TSPEAR: variants seen among roughly 807,000 people sequenced by gnomAD.
The protein encoded by TSPEAR is thrombospondin type laminin G domain and EAR repeats, also known as thrombospondin-type laminin G domain and EAR repeat-containing protein.
TSPEAR carries 69 observed loss-of-function variants against 71.6 expected under a neutral mutation model. The ratio of observed to expected loss-of-function variants is 0.96; its 90% CI spans 0.79 to 1.18. The LOEUF (loss-of-function observed/expected upper bound fraction) is 1.18, where lower values mean the gene tolerates loss of function less well. Ranked by LOEUF, TSPEAR falls within the 50% of genes most tolerant of loss-of-function variation. The pLI is 0.00. For synonymous variants in TSPEAR, 402 were observed against 387.2 expected (o/e 1.04, Z -0.45); for missense variants, 971 against 894.9 (o/e 1.09, Z -1.09).
chr21:44,525,586 C>T lies in TSPEAR; in HGVS notation c.1336+67G>A, dbSNP rs2052838462. Reference sequence around the variant, plus strand: ...TTTTCTAATAAGATACACATTCGCCCTGCCTGCAAGTCTCGCTCTGCCCCT... The same window carrying T: ...TTTTCTAATAAGATACACATTCGCCTTGCCTGCAAGTCTCGCTCTGCCCCT... On this transcript the variant is annotated intron_variant, in intron 8 of 11. Coordinates refer to ENST00000323084, the MANE Select transcript of TSPEAR (RefSeq NM_144991.3). 4 of 1,513,112 alleles carry T rather than the reference C, an allele frequency of 2.6e-6. No individual in the cohort carries two copies. In the South Asian group the frequency reaches 3.4e-5, roughly 13 times the overall value. 93.7% of individuals were successfully genotyped at this position (1,513,112 alleles called of 1,614,324 possible). A position where few individuals can be genotyped will look rare whatever the true frequency, so the allele number is the denominator to read the frequency against.
chr21:44,512,388 G>GT (rs1473021767), intron 9 of TSPEAR, among the ~76,000 whole-genome samples: 2 of 151,806 alleles, frequency 1.3e-5, no homozygotes, highest in Admixed American at 1.3e-4. Context: ...AAGGGTGGTG[G>GT]TCTTGGAGAC....
chr21:44,591,299 G>T lies in TSPEAR; in HGVS notation c.83-23294C>A, dbSNP rs1569205417. Reference sequence around the variant, plus strand: ...AAAGAGCCTGCCCCATCTTCTGAGGGTGTCAAAGCCAGAGAGGGCAGAGCT... The same window carrying T: ...AAAGAGCCTGCCCCATCTTCTGAGGTTGTCAAAGCCAGAGAGGGCAGAGCT... On this transcript the variant is annotated intron_variant, in intron 1 of 11. Coordinates refer to ENST00000323084, the MANE Select transcript of TSPEAR (RefSeq NM_144991.3). The T allele has an allele frequency of 5.4e-6, 8 of 1,494,518 alleles. No homozygotes were observed. In the Admixed American group the frequency reaches 6.7e-5, roughly 12 times the overall value. The allele number at this position is 1,494,518 out of a possible 1,614,324, so 92.6% of individuals were successfully genotyped here. A position where few individuals can be genotyped will look rare whatever the true frequency, so the allele number is the denominator to read the frequency against.
intron 2 of TSPEAR, among the ~76,000 whole-genome samples, chr21:44,561,317 T>C (rs918899832): frequency 1.3e-5 from 2 of 152,068 alleles, no homozygotes; most frequent in African/African-American, 2.4e-5. Flanking sequence ...TTATAGCAAG[T>C]TCTGAAATTG....
chr21:44,711,378 C>G lies in TSPEAR; in HGVS notation c.82+55G>C, dbSNP rs1214888496. ...AAAGTGGCATTTGTGACTCGACACCCCTCCCAGCTCCCCGGCAAGATACCC... is the reference window on the plus strand; with the variant it reads ...AAAGTGGCATTTGTGACTCGACACCGCTCCCAGCTCCCCGGCAAGATACCC... On this transcript the variant is annotated intron_variant, in intron 1 of 11. Coordinates refer to ENST00000323084, the MANE Select transcript of TSPEAR (RefSeq NM_144991.3). The surrounding 1 kb of genome is among the most constrained non-coding windows in gnomAD (Gnocchi z 4.5). The G allele has an allele frequency of 6.7e-7, 1 of 1,493,558 alleles. No individual in the cohort carries two copies. The highest frequency in any genetic ancestry group is 2.4e-5 in the East Asian group (1 of 40,924). 92.5% of individuals were successfully genotyped at this position (1,493,558 alleles called of 1,614,324 possible). A position where few individuals can be genotyped will look rare whatever the true frequency, so the allele number is the denominator to read the frequency against.
At chr21:44,697,298 C>G (rs1555950749) in intron 1 of TSPEAR, 5 of 1,613,616 alleles carry the variant, frequency 3.1e-6, no homozygotes, top group Admixed American at 1.7e-5. Flanking sequence ...GGACGACTGC[C>G]CAGAGAGCTG....
At chr21:44,653,391 C>T (rs1984930408) in intron 1 of TSPEAR, among the ~76,000 whole-genome samples, 1 of 152,116 alleles carries the variant, frequency 6.6e-6, no homozygotes, top group Non-Finnish European at 1.5e-5. Context: ...GAGCCTCTGA[C>T]AGGGCTGCCC....
At chr21:44,587,108 T>C (rs1176084029) in intron 1 of TSPEAR, among the ~76,000 whole-genome samples, 1 of 152,220 alleles carries the variant, frequency 6.6e-6, no homozygotes, top group Non-Finnish European at 1.5e-5. Context: ...TGTCGCTGTT[T>C]GCTGATGATA....
In TSPEAR at chr21:44,517,614, C is replaced by T. The variant is rs1194723543; in HGVS notation, c.1566+4269G>A. ...TCAGGTCAGCCCCTTCCTGCTGCTT[C>T]CCACCGTGTGTGCTCCTTGTCTGAC... On this transcript the variant is annotated intron_variant, in intron 9 of 11. Transcript: ENST00000323084. 7.9e-6 allele frequency: 3 copies of T among 378,578 alleles called. No homozygotes were observed. In the East Asian group the frequency reaches 2.2e-4, roughly 28 times the overall value. 23.5% of individuals were successfully genotyped at this position (378,578 alleles called of 1,614,324 possible).
At chr21:44,638,204 C>T (rs781965748) in intron 1 of TSPEAR, 6 of 1,578,260 alleles carry the variant, frequency 3.8e-6, no homozygotes, top group Non-Finnish European at 3.5e-6. Context: ...AGTCCCTTCC[C>T]ACCAGGGGCT....
At position 44,521,970 on chromosome 21, in the gene TSPEAR, G is replaced by A; in HGVS notation, c.1479C>T (p.Ala493=). Residue 493 remains alanine (A), a synonymous_variant, in exon 9 of 12, where the codon GCC becomes GCT. Coordinates refer to ENST00000323084, the MANE Select transcript of TSPEAR (RefSeq NM_144991.3). ...TGGTGGAGGTGCCGTTGAAGGTGTT[G>A]GCCACCACCAGGAACGAGTAGGGCC... The part of the protein sequence containing the change: ...SVGPYSFLVV[A]NTFNGTSTKV... 6.2e-7 allele frequency: 1 copy of A among 1,614,148 alleles called. No individual in the cohort carries two copies. Among genetic ancestry groups the A allele is most frequent in the Non-Finnish European group, 8.5e-7 (1 of 1,180,006 alleles).
chr21:44,561,444 A>C lies in TSPEAR; in HGVS notation c.303+6341T>G, dbSNP rs145993435. ...ACCATTCCTTCTGAAACTATTCCAAACAACTGAAAAGGAGGGACTCCTCCC... is the reference window on the plus strand; with the variant it reads ...ACCATTCCTTCTGAAACTATTCCAACCAACTGAAAAGGAGGGACTCCTCCC... On this transcript the variant is annotated intron_variant, in intron 2 of 11. Coordinates refer to ENST00000323084, the MANE Select transcript of TSPEAR (RefSeq NM_144991.3). Among the ~76,000 whole-genome samples, 1,085 of 152,318 alleles carry C rather than the reference A, an allele frequency of 7.1e-3. 10 individuals carry two copies. The highest frequency in any genetic ancestry group is 0.025 in the African/African-American group (1,034 of 41,548).
At chr21:44,600,359 G>T (rs1179043794) in intron 1 of TSPEAR, among the ~76,000 whole-genome samples, 5 of 152,108 alleles carry the variant, frequency 3.3e-5, no homozygotes, top group African/African-American at 7.3e-5. Context: ...AGGTGAGGGT[G>T]CGTCAACGGA....
intron 1 of TSPEAR, among the ~76,000 whole-genome samples, chr21:44,638,995 G>A (rs188064051): frequency 3.8e-4 from 58 of 152,142 alleles, no homozygotes; most frequent in African/African-American, 1.3e-3. Flanking sequence ...CAGGACTCGA[G>A]CCCAGCAGCC....
chr21:44,674,015 G>T (rs1456579748), intron 1 of TSPEAR, among the ~76,000 whole-genome samples: 1 of 151,942 alleles, frequency 6.6e-6, no homozygotes, highest in African/African-American at 2.4e-5. Context: ...AAAGGTAGAT[G>T]TGGTGGTGCC....
At chr21:44,561,329 G>A (rs1316177776) in intron 2 of TSPEAR, among the ~76,000 whole-genome samples, 1 of 152,136 alleles carries the variant, frequency 6.6e-6, no homozygotes, top group Non-Finnish European at 1.5e-5. Context: ...CTGAAATTGA[G>A]GCAGTAATTA....
chr21:44,564,780 AAGTCTAGCAG>A (rs587774789), intron 2 of TSPEAR, among the ~76,000 whole-genome samples: 184 of 152,268 alleles, frequency 1.2e-3, no homozygotes, highest in Non-Finnish European at 2.1e-3. Context: ...TAAACCAATA[AAGTCTAGCAG>A]ACACCTTTAG....
At chr21:44,586,928 C>T (rs587634548) in intron 1 of TSPEAR, among the ~76,000 whole-genome samples, 13 of 152,306 alleles carry the variant, frequency 8.5e-5, no homozygotes, top group African/African-American at 2.9e-4. Flanking sequence ...CCACAGCCAA[C>T]ATAACACTGA....
intron 1 of TSPEAR, among the ~76,000 whole-genome samples, chr21:44,636,082 A>G (rs1555936602): frequency 6.6e-6 from 1 of 152,206 alleles, no homozygotes; most frequent in Non-Finnish European, 1.5e-5. Flanking sequence ...TTTTCACATT[A>G]ATCTTCCACC....
chr21:44,560,965 C>T (rs187758896), intron 2 of TSPEAR, among the ~76,000 whole-genome samples: 1 of 151,946 alleles, frequency 6.6e-6, no homozygotes, highest in East Asian at 1.9e-4. Context: ...TAGCAGAAGA[C>T]AAAAAATAAC....
Sources: gnomAD v4.1 joint callset for allele counts (sites outside exome capture counted in the v4.1 genomes callset) on GRCh38, gnomAD v4.1.1 for gene constraint, Gnocchi (gnomAD v3.1) non-coding constraint, MANE v1.5 for transcripts, NCBI Gene and HGNC (gene_info 2026-07-23, HGNC 2026-07-21) for gene names.